Variants in EPHA6 observed in about 807,000 individuals in gnomAD.
The protein encoded by EPHA6 is ephrin type-A receptor 6.
EPHA6 carries 50 observed loss-of-function variants against 112.0 expected under a neutral mutation model. The observed-to-expected ratio is 0.45, with a 90% confidence interval of 0.36 to 0.56. EPHA6 has a LOEUF of 0.56. Ranked by LOEUF, EPHA6 falls within the 20% of genes least tolerant of loss-of-function variation. EPHA6 has a pLI of 0.00. For synonymous variants in EPHA6, 529 were observed against 490.7 expected (o/e 1.08, Z -1.03); for missense variants, 1,280 against 1,417.4 (o/e 0.90, Z 1.56).
intron 10 of EPHA6, among the ~76,000 whole-genome samples, chr3:97,503,502 A>G (rs1024825272): frequency 1.1e-4 from 16 of 152,212 alleles, no homozygotes; most frequent in Admixed American, 6.5e-5. Flanking sequence ...GCACCAAAAC[A>G]CAAAGCATGC....
At chr3:96,820,443 G>T (rs1331640243) in intron 1 of EPHA6, among the ~76,000 whole-genome samples, 1 of 152,022 alleles carries the variant, frequency 6.6e-6, no homozygotes, top group Non-Finnish European at 1.5e-5. Context: ...AGTGATGTCG[G>T]TGGAGCTGGA....
At chr3:96,980,104 T>C (rs1444927932) in intron 2 of EPHA6, among the ~76,000 whole-genome samples, 3 of 152,190 alleles carry the variant, frequency 2.0e-5, no homozygotes, top group East Asian at 1.9e-4. Flanking sequence ...GCTTTTGGTG[T>C]TTTAGACATG....
chr3:96,940,200 G>C (rs1470477007), intron 2 of EPHA6, among the ~76,000 whole-genome samples: 2 of 152,084 alleles, frequency 1.3e-5, no homozygotes, highest in African/African-American at 4.8e-5. Flanking sequence ...TGACAGTGTG[G>C]TGTTAAAGTC....
intron 3 of EPHA6, among the ~76,000 whole-genome samples, chr3:97,041,842 T>G (rs992738091): frequency 1.3e-5 from 2 of 151,982 alleles, no homozygotes; most frequent in Non-Finnish European, 2.9e-5. Flanking sequence ...GAGAACTCAC[T>G]CACTATCATG....
At position 97,274,949 on chromosome 3, in the gene EPHA6, G is replaced by A. The variant is rs376911405; in HGVS notation, c.1606+30662G>A. Among the ~76,000 whole-genome samples, 508 of 152,288 alleles carry A rather than the reference G, an allele frequency of 3.3e-3. 3 individuals are homozygous for A. The highest frequency in any genetic ancestry group is 0.011 in the African/African-American group (463 of 41,556). ...GAGCCGGGGAGCAGAAACTATATGC[G>A]TCAGGTATGAGGAAGAAAATAGATT... is the stretch of plus-strand genomic sequence containing the variant. On this transcript the variant is annotated intron_variant, in intron 5 of 17. Coordinates refer to ENST00000389672, the MANE Select transcript of EPHA6 (RefSeq NM_001080448.3).
intron 5 of EPHA6, among the ~76,000 whole-genome samples, chr3:97,333,122 A>G (rs1347480433): frequency 2.0e-5 from 3 of 151,732 alleles, no homozygotes; most frequent in Admixed American, 2.0e-4. Context: ...ATTTATTTAG[A>G]TTTTCTTTGA....
At chr3:97,371,928 T>G (rs973381331) in intron 5 of EPHA6, among the ~76,000 whole-genome samples, 3 of 152,130 alleles carry the variant, frequency 2.0e-5, no homozygotes, top group Non-Finnish European at 2.9e-5. Context: ...TCCCACCTAA[T>G]AAATTTTGGT....
intron 12 of EPHA6, among the ~76,000 whole-genome samples, chr3:97,602,673 A>T (rs1010357786): frequency 2.4e-4 from 36 of 152,100 alleles, no homozygotes; most frequent in African/African-American, 8.4e-4. Context: ...CAATATGAGG[A>T]TTAAATGAGT....
intron 2 of EPHA6, among the ~76,000 whole-genome samples, chr3:96,899,006 C>T (rs887338668): frequency 1.0e-4 from 15 of 147,594 alleles, no homozygotes; most frequent in African/African-American, 3.0e-4. Context: ...CCAGCCTGGG[C>T]GACAGAGCGA....
chr3:97,251,565 G>A (rs2079142511), intron 5 of EPHA6, among the ~76,000 whole-genome samples: 1 of 152,010 alleles, frequency 6.6e-6, no homozygotes, highest in Non-Finnish European at 1.5e-5. Flanking sequence ...CTTTCAAAGT[G>A]GATGGATTAT....
intron 2 of EPHA6, among the ~76,000 whole-genome samples, chr3:96,899,660 T>G (rs1006453963): frequency 3.9e-5 from 6 of 152,156 alleles, no homozygotes; most frequent in African/African-American, 1.4e-4. Context: ...ATAGCACTAG[T>G]AAAAAATATG....
rs2036117344 is a variant in EPHA6, at chr3:97,759,947, G to A, written c.*11246G>A. On this transcript the variant is annotated 3_prime_UTR_variant, in exon 18 of 18. Coordinates refer to ENST00000389672, the MANE Select transcript of EPHA6 (RefSeq NM_001080448.3). ...GAGTCCTTTCCATAATGTAGAGATT[G>A]AGAACTTCTCAATGCCATAAATACT... The A allele has an allele frequency of 5.1e-6, 1 of 195,014 alleles. No homozygotes were observed. Among genetic ancestry groups the A allele is most frequent in the Non-Finnish European group, 1.1e-5 (1 of 93,668 alleles). The allele number at this position is 195,014 out of a possible 1,614,324, so 12.1% of individuals were successfully genotyped here.
intron 5 of EPHA6, among the ~76,000 whole-genome samples, chr3:97,278,532 C>T (rs1192195458): frequency 2.0e-5 from 3 of 152,032 alleles, no homozygotes; most frequent in Non-Finnish European, 2.9e-5. Flanking sequence ...AACTGTCAAG[C>T]AAAAAACTGT....
chr3:96,930,505 A>AT (rs1299079781), intron 2 of EPHA6, among the ~76,000 whole-genome samples: 1 of 152,122 alleles, frequency 6.6e-6, no homozygotes, highest in Non-Finnish European at 1.5e-5. Flanking sequence ...GTTGCCTTAG[A>AT]TTTTCCAGTA....
At chr3:97,121,595 A>G (rs1055151501) in intron 3 of EPHA6, among the ~76,000 whole-genome samples, 1 of 152,054 alleles carries the variant, frequency 6.6e-6, no homozygotes, top group African/African-American at 2.4e-5. Context: ...GCTGGGTGCC[A>G]TTGTTACCAC....
intron 6 of EPHA6, among the ~76,000 whole-genome samples, chr3:97,443,552 G>C (rs1254101237): frequency 6.6e-6 from 1 of 151,976 alleles, no homozygotes; most frequent in East Asian, 1.9e-4. Context: ...GCTTGAACGA[G>C]AATACTGTAT....
intron 2 of EPHA6, among the ~76,000 whole-genome samples, chr3:96,923,542 T>C (rs998619718): frequency 6.6e-6 from 1 of 152,196 alleles, no homozygotes; most frequent in Non-Finnish European, 1.5e-5. Context: ...TAGACCTTTG[T>C]CAGATGGATA....
intron 11 of EPHA6, among the ~76,000 whole-genome samples, chr3:97,577,702 T>C (rs187899933): frequency 2.0e-5 from 3 of 152,314 alleles, no homozygotes; most frequent in African/African-American, 7.2e-5. Context: ...CACTTCTAGA[T>C]AATAGGAAAA....
chr3:97,740,560 C>T (rs1257127169), intron 16 of EPHA6, among the ~76,000 whole-genome samples: 1 of 152,104 alleles, frequency 6.6e-6, no homozygotes, highest in Non-Finnish European at 1.5e-5. Flanking sequence ...TTCTGTAGTA[C>T]ATATTAGTCT....
Sources: gnomAD v4.1 joint callset for allele counts (sites outside exome capture counted in the v4.1 genomes callset) on GRCh38, gnomAD v4.1.1 for gene constraint, MANE v1.5 for transcripts, NCBI Gene and HGNC (gene_info 2026-07-23, HGNC 2026-07-21) for gene names.